The following RPTOR variants were observed in gnomAD, a reference collection of about 807,000 sequenced individuals.
RPTOR encodes the protein regulatory-associated protein of mTOR.
Under a neutral mutation model 169.9 loss-of-function variants are expected in RPTOR, and 21 were observed. The ratio of observed to expected loss-of-function variants is 0.12; its 90% CI spans 0.09 to 0.18. RPTOR has a LOEUF of 0.18. RPTOR is among the 10% of genes least tolerant of loss of function. The pLI is 1.00. For synonymous variants in RPTOR, 732 were observed against 753.2 expected (o/e 0.97, Z 0.46); for missense variants, 1,133 against 1,855.9 (o/e 0.61, Z 7.16).
chr17:80,710,285 C>T (rs568945654), intron 4 of RPTOR, among the ~76,000 whole-genome samples: 3 of 152,134 alleles, frequency 2.0e-5, no homozygotes, highest in South Asian at 2.1e-4. Context: ...TGAGCCACTG[C>T]GCCCCGCTCC....
intron 4 of RPTOR, among the ~76,000 whole-genome samples, chr17:80,723,731 T>C (rs2066306367): frequency 6.6e-6 from 1 of 151,384 alleles, no homozygotes. Context: ...CATTTGTGTG[T>C]AGTAAGCTGT....
In RPTOR at chr17:80,777,494, C is replaced by T. The variant is rs530918542; in HGVS notation, c.831-13956C>T. 2.0e-5 allele frequency among the ~76,000 whole-genome samples: 3 copies of T among 152,094 alleles called. No individual in the cohort carries two copies. The East Asian group carries it at 5.8e-4, about 29-fold the overall frequency. On this transcript the variant is annotated intron_variant, in intron 6 of 33. Coordinates refer to ENST00000306801, the MANE Select transcript of RPTOR (RefSeq NM_020761.3). ...TATCTCACTGTTCCGCTTTGCATCT[C>T]CCTAACGACTAATGACATCAGGCAT...
chr17:80,648,180 G>C (rs2065611614), intron 3 of RPTOR, among the ~76,000 whole-genome samples: 1 of 152,114 alleles, frequency 6.6e-6, no homozygotes, highest in Non-Finnish European at 1.5e-5. Context: ...TAATAGAGTT[G>C]TTTGTGTGCT....
At chr17:80,706,682 CTCAGGGCTT>C (rs1051281656) in intron 3 of RPTOR, among the ~76,000 whole-genome samples, 4 of 152,212 alleles carry the variant, frequency 2.6e-5, no homozygotes, top group Non-Finnish European at 5.9e-5. Context: ...CCAGGTTGCC[CTCAGGGCTT>C]TCTGCTGCCA....
intron 21 of RPTOR, among the ~76,000 whole-genome samples, chr17:80,917,230 G>T (rs11650768): frequency 6.6e-6 from 1 of 150,860 alleles, no homozygotes; most frequent in African/African-American, 2.4e-5. Context: ...CTGCTGCCTC[G>T]GCTTCCCATG....
At chr17:80,764,496 ATT>A (rs1202213871) in intron 6 of RPTOR, among the ~76,000 whole-genome samples, 11 of 151,476 alleles carry the variant, frequency 7.3e-5, no homozygotes, top group Non-Finnish European at 2.9e-5. Context: ...TGAACTCATC[ATT>A]TTTTATGGCC....
chr17:80,634,342 G>A (rs111067619), intron 2 of RPTOR, among the ~76,000 whole-genome samples: 19,015 of 71,022 alleles, frequency 0.27, 4,252 homozygotes, highest in Non-Finnish European at 0.32. Context: ...TGTGCGTACT[G>A]TGTGCATGTG....
intron 7 of RPTOR, among the ~76,000 whole-genome samples, chr17:80,811,993 G>T (rs888143162): frequency 1.3e-5 from 2 of 152,058 alleles, no homozygotes; most frequent in African/African-American, 2.4e-5. Context: ...TCTTTAACAA[G>T]GCCTCGACCT....
intron 13 of RPTOR, among the ~76,000 whole-genome samples, chr17:80,859,037 G>T (rs190784643): frequency 2.0e-4 from 30 of 152,304 alleles, no homozygotes; most frequent in Non-Finnish European, 3.7e-4. Context: ...GGGCTGCAGG[G>T]CTGGGAGGGC....
In RPTOR at chr17:80,791,520, T is replaced by A; in HGVS notation, c.890+11T>A. Reference sequence around the variant, plus strand: ...GGATTTGATAGAAAAGTAAGTAGGATTTTTAAGCTCTTGTGGCTCTCTGGA... The same window carrying A: ...GGATTTGATAGAAAAGTAAGTAGGAATTTTAAGCTCTTGTGGCTCTCTGGA... On this transcript the variant is annotated intron_variant, in intron 7 of 33. Coordinates refer to ENST00000306801, the MANE Select transcript of RPTOR (RefSeq NM_020761.3). 1 of 1,612,736 alleles carries A rather than the reference T, an allele frequency of 6.2e-7. No individual in the cohort carries two copies.
intron 13 of RPTOR, 109 bp downstream of exon 13, chr17:80,858,009 C>A: frequency 1.2e-6 from 1 of 836,614 alleles, no homozygotes; most frequent in South Asian, 1.5e-5. Flanking sequence ...GCTCCCTCTC[C>A]AGGCACCGCC....
intron 11 of RPTOR, among the ~76,000 whole-genome samples, chr17:80,853,293 C>T (rs187070531): frequency 3.9e-5 from 6 of 152,338 alleles, no homozygotes; most frequent in Admixed American, 2.0e-4. Flanking sequence ...GCTTTTCCAG[C>T]CTCTCCACCT....
rs748557685 is a variant in RPTOR at position 80,707,677 on chromosome 17, C to T, written c.349-164C>T. Among the ~76,000 whole-genome samples the T allele has an allele frequency of 6.6e-6, 1 of 152,268 alleles. No individual in the cohort carries two copies. Among genetic ancestry groups the T allele is most frequent in the East Asian group, 1.9e-4 (1 of 5,184 alleles). ...AAGCTGCTGGGATTTTCGGCATGAG[C>T]CAGGGTGCCTGGCATTACCTGGTTT... On this transcript the variant is annotated intron_variant, in intron 3 of 33. Coordinates refer to ENST00000306801, the MANE Select transcript of RPTOR (RefSeq NM_020761.3). This position sits in a 1 kb window ranked among gnomAD's most constrained non-coding sequence, Gnocchi z 5.0.
intron 5 of RPTOR, among the ~76,000 whole-genome samples, chr17:80,740,975 C>T (rs1343369672): frequency 6.6e-6 from 1 of 152,226 alleles, no homozygotes; most frequent in African/African-American, 2.4e-5. Flanking sequence ...ATCAAAACTA[C>T]AGTGAGGTGC....
At chr17:80,560,775 G>A (rs577598291) in intron 1 of RPTOR, among the ~76,000 whole-genome samples, 299 of 152,286 alleles carry the variant, frequency 2.0e-3, no homozygotes, top group Middle Eastern at 0.014. Flanking sequence ...ACTTGGCTAC[G>A]TGTTCGTTTT....
intron 4 of RPTOR, among the ~76,000 whole-genome samples, chr17:80,729,889 A>G (rs1335748966): frequency 6.6e-6 from 1 of 152,010 alleles, no homozygotes; most frequent in Non-Finnish European, 1.5e-5. Context: ...GCCATGGGGT[A>G]CATGAGGGAA....
chr17:80,566,229 G>A, intron 1 of RPTOR, among the ~76,000 whole-genome samples: 1 of 152,192 alleles, frequency 6.6e-6, no homozygotes, highest in South Asian at 2.1e-4. Context: ...CCCTGGGACT[G>A]CTTGACTGTA....
chr17:80,792,819 T>A (rs2067062591), intron 7 of RPTOR, among the ~76,000 whole-genome samples: 1 of 152,148 alleles, frequency 6.6e-6, no homozygotes, highest in Non-Finnish European at 1.5e-5. Flanking sequence ...TCTTTGGGGC[T>A]TTTATTTCCC....
chr17:80,855,397 C>G, intron 11 of RPTOR, 67 bp from the exon 12 acceptor site: 3 of 1,192,898 alleles, frequency 2.5e-6, no homozygotes, highest in Non-Finnish European at 3.8e-6. Flanking sequence ...GCAGCTCATG[C>G]AGCAGCGTTT....
Sources: gnomAD v4.1 joint callset for allele counts (sites outside exome capture counted in the v4.1 genomes callset) on GRCh38, gnomAD v4.1.1 for gene constraint, Gnocchi (gnomAD v3.1) non-coding constraint, MANE v1.5 for transcripts, NCBI Gene and HGNC (gene_info 2026-07-23, HGNC 2026-07-21) for gene names.